Variants in MYO1B observed in about 807,000 individuals in gnomAD.
MYO1B encodes unconventional myosin-Ib.
A neutral mutation model predicts 159.7 loss-of-function variants in MYO1B; 72 were observed. The ratio of observed to expected loss-of-function variants is 0.45; its 90% confidence interval spans 0.37 to 0.55. The LOEUF (loss-of-function observed/expected upper bound fraction) is 0.55, where lower values mean the gene tolerates loss of function less well. Ranked by LOEUF, MYO1B falls within the 20% of genes least tolerant of loss-of-function variation. MYO1B has a pLI of 0.00. For synonymous variants in MYO1B, 468 were observed against 473.8 expected, an observed-to-expected ratio of 0.99 and a Z score of 0.16; for missense variants, 1,062 against 1,364.8, an observed-to-expected ratio of 0.78 and a Z score of 3.50.
chr2:191,273,626 C>T (rs1389482589), intron 1 of MYO1B, among the ~76,000 whole-genome samples: 2 of 152,194 alleles, frequency 1.3e-5, no homozygotes, highest in Non-Finnish European at 2.9e-5. Context: ...GAATCAGTTA[C>T]ACTGGCTAGA....
rs1692223545 is a variant in MYO1B at position 191,341,553 on chromosome 2, C to A, written c.439C>A (p.Pro147Thr). ...QVKEQLLQSN[P>T]VLEAFGNAKT... ...TAAAGAACAGCTTTTACAGTCCAACCCGGTCCTGGAAGGTAGGATGTGTTA... is the reference window on the plus strand; with the variant it reads ...TAAAGAACAGCTTTTACAGTCCAACACGGTCCTGGAAGGTAGGATGTGTTA... The change falls in exon 5 of 31, where the codon CCG becomes ACG. Residue 147 changes from proline (P) to threonine (T), a missense_variant. Coordinates refer to ENST00000392318, the MANE Select transcript of MYO1B (RefSeq NM_001130158.3). 1 of 1,613,280 alleles carries A rather than the reference C, an allele frequency of 6.2e-7. No homozygotes were observed. The highest frequency in any genetic ancestry group is 8.5e-7 in the Non-Finnish European group (1 of 1,179,660).
chr2:191,385,289 C>T (rs891962798), intron 15 of MYO1B, among the ~76,000 whole-genome samples: 2 of 152,156 alleles, frequency 1.3e-5, no homozygotes, highest in African/African-American at 2.4e-5. Flanking sequence ...TTTCTAAAAT[C>T]TAAATCTATA....
chr2:191,246,881 T>G (rs934661539), intron 1 of MYO1B, among the ~76,000 whole-genome samples: 22 of 152,192 alleles, frequency 1.4e-4, no homozygotes, highest in African/African-American at 5.3e-4. Context: ...GGGTTTGAAC[T>G]GAGGAGCCCT....
intron 20 of MYO1B, among the ~76,000 whole-genome samples, chr2:191,395,223 C>A (rs938102842): frequency 6.6e-6 from 1 of 152,204 alleles, no homozygotes; most frequent in African/African-American, 2.4e-5. Context: ...ACAGCTACAT[C>A]TGTGGAATAT....
intron 3 of MYO1B, among the ~76,000 whole-genome samples, chr2:191,314,865 T>C (rs1690243798): frequency 6.6e-6 from 1 of 152,206 alleles, no homozygotes; most frequent in Non-Finnish European, 1.5e-5. Context: ...GCGTAATGCA[T>C]TAAGAGTTCC....
intron 20 of MYO1B, among the ~76,000 whole-genome samples, chr2:191,396,001 C>T (rs1433716641): frequency 6.6e-6 from 1 of 152,034 alleles, no homozygotes; most frequent in Non-Finnish European, 1.5e-5. Context: ...AAGTAGCAAA[C>T]CTAAAAGAAA....
At chr2:191,353,010 A>C (rs1372879548) in intron 7 of MYO1B, among the ~76,000 whole-genome samples, 2 of 152,206 alleles carry the variant, frequency 1.3e-5, no homozygotes, top group Non-Finnish European at 2.9e-5. Flanking sequence ...AAAAAGGCAC[A>C]ATATCCCTTG....
chr2:191,302,205 T>TGGTC (rs1274738406), intron 3 of MYO1B, among the ~76,000 whole-genome samples: 1 of 152,240 alleles, frequency 6.6e-6, no homozygotes, highest in Non-Finnish European at 1.5e-5. Context: ...AGACCACTCG[T>TGGTC]GGTCGTCAAC....
chr2:191,407,542 T>C (rs562899613), intron 24 of MYO1B: 1 of 152,310 alleles, frequency 6.6e-6, no homozygotes, highest in Admixed American at 6.5e-5. Context: ...AACTATAATA[T>C]GATGTTTTAA....
chr2:191,309,655 T>C (rs528184140), intron 3 of MYO1B, among the ~76,000 whole-genome samples: 3 of 152,318 alleles, frequency 2.0e-5, no homozygotes, highest in East Asian at 3.9e-4. Context: ...TCCTTGCTGC[T>C]TCTTGAACAT....
intron 3 of MYO1B, among the ~76,000 whole-genome samples, chr2:191,322,263 C>T (rs1158440049): frequency 6.6e-6 from 1 of 152,122 alleles, no homozygotes; most frequent in Non-Finnish European, 1.5e-5. Context: ...TACTAAATTC[C>T]AAAGAGCGGC....
Position 191,274,017 on chromosome 2 carries a change from C to G in MYO1B, c.-9-2870C>G, listed in dbSNP as rs370201386. 5.3e-5 allele frequency among the ~76,000 whole-genome samples: 8 copies of G among 152,282 alleles called. No homozygotes were observed. In the South Asian group the frequency reaches 8.3e-4, roughly 16 times the overall value. On this transcript the variant is annotated intron_variant, in intron 1 of 30. Transcript: ENST00000392318. ...ATGGTGGTCACAATACCAGAAACCA[C>G]CATAAGAAGATATGGAAATACCCCC...
intron 6 of MYO1B, among the ~76,000 whole-genome samples, chr2:191,347,870 G>T (rs1227965930): frequency 6.6e-6 from 1 of 152,182 alleles, no homozygotes; most frequent in Non-Finnish European, 1.5e-5. Flanking sequence ...TCTTCGACTT[G>T]CAAACCAGTC....
rs1283689720 is a variant in MYO1B at position 191,288,934 on chromosome 2, A to T, written c.136-7177A>T. Among the ~76,000 whole-genome samples, 4 of 152,220 alleles carry T rather than the reference A, an allele frequency of 2.6e-5. No homozygotes were observed. The East Asian group carries it at 5.8e-4, about 22-fold the overall frequency. ...ACCCTTGGAGATGCAGACGACTCCTATACCTTCTCTGATATTTCTTTGATG... is the reference window on the plus strand; with the variant it reads ...ACCCTTGGAGATGCAGACGACTCCTTTACCTTCTCTGATATTTCTTTGATG... On this transcript the variant is annotated intron_variant, in intron 2 of 30. Coordinates refer to ENST00000392318, the MANE Select transcript of MYO1B (RefSeq NM_001130158.3).
chr2:191,262,747 A>G (rs1365744111), intron 1 of MYO1B, among the ~76,000 whole-genome samples: 1 of 152,032 alleles, frequency 6.6e-6, no homozygotes, highest in Non-Finnish European at 1.5e-5. Flanking sequence ...GTCCTCTGCT[A>G]CCATTCTGCC....
intron 24 of MYO1B, among the ~76,000 whole-genome samples, chr2:191,407,359 A>G (rs1352639224): frequency 6.6e-6 from 1 of 152,136 alleles, no homozygotes; most frequent in Non-Finnish European, 1.5e-5. Context: ...TAACTCTCCC[A>G]TTTGTATCTG....
chr2:191,374,444 A>T (rs553568136), intron 13 of MYO1B, among the ~76,000 whole-genome samples: 13 of 151,692 alleles, frequency 8.6e-5, no homozygotes, highest in South Asian at 2.1e-4. Flanking sequence ...AGACTTTTTT[A>T]AAAAAATGCG....
intron 13 of MYO1B, among the ~76,000 whole-genome samples, chr2:191,378,413 G>A (rs1694845172): frequency 6.6e-6 from 1 of 152,162 alleles, no homozygotes; most frequent in South Asian, 2.1e-4. Context: ...TTTTGGGATA[G>A]GTGGTGGAGT....
At chr2:191,258,857 A>G (rs1442154968) in intron 1 of MYO1B, among the ~76,000 whole-genome samples, 2 of 152,248 alleles carry the variant, frequency 1.3e-5, no homozygotes, top group East Asian at 3.8e-4. Flanking sequence ...TTTAAAAAAC[A>G]ATACAAAGGT....
Sources: allele counts gnomAD v4.1 joint callset (sites outside exome capture counted in the v4.1 genomes callset), GRCh38; gene constraint gnomAD v4.1.1; transcripts MANE v1.5; gene names NCBI Gene and HGNC (gene_info 2026-07-23, HGNC 2026-07-21).